EPHB1: variants seen among roughly 807,000 people sequenced by gnomAD.
EPHB1 encodes the protein ephrin type-B receptor 1.
In EPHB1, 30 loss-of-function variants were observed where a neutral mutation model predicts 94.4. That is an observed-to-expected ratio of 0.32 (90% CI 0.24 to 0.43). The LOEUF (loss-of-function observed/expected upper bound fraction) is 0.43, where lower values mean the gene tolerates loss of function less well. Among genes scored for constraint, EPHB1 ranks in the 20% least tolerant of loss-of-function variants. The probability of loss-of-function intolerance (pLI) is 1.00; values close to 1 mark genes in which losing one functional copy is unlikely to be tolerated. For synonymous variants in EPHB1, 522 were observed against 489.1 expected (o/e 1.07, Z -0.89); for missense variants, 1,055 against 1,308.3 (o/e 0.81, Z 2.99).
intron 6 of EPHB1, among the ~76,000 whole-genome samples, chr3:135,154,739 TGTAAA>T (rs1941299381): frequency 6.6e-6 from 1 of 152,142 alleles, no homozygotes; most frequent in African/African-American, 2.4e-5. Context: ...TAAAAAAACA[TGTAAA>T]GTGAACATTC....
chr3:134,858,363 C>T (rs751250380), intron 1 of EPHB1, among the ~76,000 whole-genome samples: 1 of 152,010 alleles, frequency 6.6e-6, no homozygotes, highest in Non-Finnish European at 1.5e-5. Context: ...GGCAGTGGCA[C>T]GTGGGAGGGC....
intron 1 of EPHB1, among the ~76,000 whole-genome samples, chr3:134,909,638 C>G (rs544246938): frequency 6.6e-6 from 1 of 152,340 alleles, no homozygotes; most frequent in Non-Finnish European, 1.5e-5. Flanking sequence ...TCACCTTGGT[C>G]TTTTCTCAGT....
chr3:135,197,364 A>G (rs930376972), intron 11 of EPHB1, among the ~76,000 whole-genome samples: 10 of 152,358 alleles, frequency 6.6e-5, no homozygotes, highest in Admixed American at 5.9e-4. Context: ...ATAGCAACCC[A>G]GAAGTCAGGA....
intron 1 of EPHB1, among the ~76,000 whole-genome samples, chr3:134,901,592 A>G (rs191309276): frequency 9.1e-4 from 139 of 152,314 alleles, no homozygotes; most frequent in African/African-American, 3.2e-3. Flanking sequence ...GGTGGCCCAT[A>G]TGGGAAAGGC....
At chr3:135,004,343 G>T (rs1935305706) in intron 3 of EPHB1, among the ~76,000 whole-genome samples, 1 of 151,614 alleles carries the variant, frequency 6.6e-6, no homozygotes, top group African/African-American at 2.4e-5. Context: ...TAGTCTGATG[G>T]TCTTCCCTTT....
intron 10 of EPHB1, among the ~76,000 whole-genome samples, chr3:135,181,569 T>G (rs1576450952): frequency 6.6e-6 from 1 of 152,236 alleles, no homozygotes; most frequent in Non-Finnish European, 1.5e-5. Flanking sequence ...ATTGTTGTTA[T>G]GGCTTGTGGT....
At chr3:134,980,027 T>C (rs6776069) in intron 3 of EPHB1, among the ~76,000 whole-genome samples, 44,685 of 152,156 alleles carry the variant, frequency 0.29, 7,085 homozygotes, top group African/African-American at 0.39. Flanking sequence ...AATTGCTGCA[T>C]AGCAAAACAC....
At position 135,245,589 on chromosome 3, in the gene EPHB1, C is replaced by T. The variant is rs566087660; in HGVS notation, c.2497-2727C>T. Among the ~76,000 whole-genome samples the T allele has an allele frequency of 2.0e-5, 3 of 150,104 alleles. No individual in the cohort carries two copies. In the East Asian group the frequency reaches 5.9e-4, roughly 29 times the overall value. ...TTGGGAGGCCGAGGCGGGAGGATCA[C>T]GGGGTCAAGAGATTGAGACCATCCT... On this transcript the variant is annotated intron_variant, in intron 13 of 15. Transcript: ENST00000398015.
At chr3:134,889,725 T>C (rs994081989) in intron 1 of EPHB1, among the ~76,000 whole-genome samples, 2 of 151,968 alleles carry the variant, frequency 1.3e-5, no homozygotes, top group Non-Finnish European at 1.5e-5. Flanking sequence ...TTGCCCAGGC[T>C]GGTGTGCACT....
intron 1 of EPHB1, among the ~76,000 whole-genome samples, chr3:134,881,628 A>G (rs569512335): frequency 6.6e-6 from 1 of 152,284 alleles, no homozygotes; most frequent in East Asian, 1.9e-4. Flanking sequence ...AACAGGCAAG[A>G]CTTACAAGAG....
intron 3 of EPHB1, among the ~76,000 whole-genome samples, chr3:135,016,034 C>T (rs917157773): frequency 5.3e-5 from 8 of 152,278 alleles, no homozygotes; most frequent in Admixed American, 3.9e-4. Flanking sequence ...GCAGCACAGA[C>T]GTTGCTCTCA....
chr3:134,817,130 A>AC (rs2036287650), intron 1 of EPHB1, among the ~76,000 whole-genome samples: 2 of 152,030 alleles, frequency 1.3e-5, no homozygotes, highest in Admixed American at 1.3e-4. Context: ...ATATGAATGT[A>AC]GTTTTTTTTT....
At chr3:134,857,468 G>A (rs770563273) in intron 1 of EPHB1, among the ~76,000 whole-genome samples, 47 of 152,218 alleles carry the variant, frequency 3.1e-4, no homozygotes, top group Admixed American at 2.2e-3. Context: ...GACAGGCTGC[G>A]GGTGTCAGCC....
chr3:135,189,100 G>A (rs1337676757), intron 10 of EPHB1, among the ~76,000 whole-genome samples: 4 of 152,148 alleles, frequency 2.6e-5, no homozygotes, highest in Non-Finnish European at 2.9e-5. Flanking sequence ...ATTAAATAAC[G>A]TTTCCCAATT....
chr3:135,246,664 G>T (rs114408025), intron 13 of EPHB1, among the ~76,000 whole-genome samples: 7,881 of 152,196 alleles, frequency 0.052, 306 homozygotes, highest in Middle Eastern at 0.1. Context: ...GGTTAAAATG[G>T]TTGTCCTCAG....
At chr3:134,879,385 C>G (rs1263138591) in intron 1 of EPHB1, among the ~76,000 whole-genome samples, 2 of 152,242 alleles carry the variant, frequency 1.3e-5, no homozygotes, top group East Asian at 3.9e-4. Context: ...GCTTGTAATC[C>G]TAGCATTTTG....
chr3:135,140,992 T>C (rs868909), intron 5 of EPHB1, among the ~76,000 whole-genome samples: 109,404 of 152,084 alleles, frequency 0.72, 40,757 homozygotes, highest in East Asian at 0.98. Context: ...ATAAAGGCAA[T>C]GCTGGACCAC....
At chr3:135,143,832 C>A (rs1940913480) in intron 5 of EPHB1, among the ~76,000 whole-genome samples, 1 of 152,218 alleles carries the variant, frequency 6.6e-6, no homozygotes, top group Admixed American at 6.5e-5. Context: ...ATAGTTTTCA[C>A]ATAAATGGCA....
intron 1 of EPHB1, among the ~76,000 whole-genome samples, chr3:134,863,486 T>C (rs2037309396): frequency 6.6e-6 from 1 of 152,034 alleles, no homozygotes; most frequent in African/African-American, 2.4e-5. Context: ...TCAAACCCAG[T>C]CCCCTTAAGT....
Sources: gnomAD v4.1 joint callset for allele counts (sites outside exome capture counted in the v4.1 genomes callset) on GRCh38, gnomAD v4.1.1 for gene constraint, MANE v1.5 for transcripts, NCBI Gene and HGNC (gene_info 2026-07-23, HGNC 2026-07-21) for gene names.